Variants in MMS22L observed in about 807,000 individuals in gnomAD.
MMS22L encodes MMS22 like, DNA repair protein.
A neutral mutation model predicts 159.1 loss-of-function variants in MMS22L; 74 were observed. The observed-to-expected ratio is 0.47, with a 90% CI of 0.39 to 0.56. The LOEUF (loss-of-function observed/expected upper bound fraction) is 0.56, where lower values mean the gene tolerates loss of function less well. MMS22L is among the 20% of genes least tolerant of loss of function. The pLI, the probability that MMS22L is intolerant of heterozygous loss-of-function variation, is 0.00. For missense variants in MMS22L, 1,351 were observed against 1,422.1 expected, an observed-to-expected ratio of 0.95 and a Z score of 0.80; for synonymous variants, 517 against 506.9, an observed-to-expected ratio of 1.02 and a Z score of -0.27.
intron 14 of MMS22L, among the ~76,000 whole-genome samples, chr6:97,207,095 G>GTT (rs1562458899): frequency 6.6e-6 from 1 of 152,050 alleles, no homozygotes; most frequent in African/African-American, 2.4e-5. Flanking sequence ...TAAAATGTTC[G>GTT]TGAGAATTCT....
intron 14 of MMS22L, among the ~76,000 whole-genome samples, chr6:97,195,801 G>A (rs1226818617): frequency 1.3e-5 from 2 of 152,130 alleles, no homozygotes; most frequent in African/African-American, 2.4e-5. Context: ...ACTGACTAAA[G>A]ATAAAAGAAA....
chr6:97,240,516 A>G (rs552995383), intron 11 of MMS22L, among the ~76,000 whole-genome samples: 4 of 152,212 alleles, frequency 2.6e-5, no homozygotes, highest in East Asian at 1.9e-4. Flanking sequence ...CACAACCAAT[A>G]GTCTTTGGGG....
At chr6:97,158,583 G>A (rs1191207798) in intron 22 of MMS22L, among the ~76,000 whole-genome samples, 3 of 151,992 alleles carry the variant, frequency 2.0e-5, no homozygotes, top group Admixed American at 1.3e-4. Flanking sequence ...GTAGTCACTC[G>A]GGAGCAGCTT....
intron 14 of MMS22L, among the ~76,000 whole-genome samples, chr6:97,187,831 G>A (rs868064892): frequency 1.3e-5 from 2 of 152,048 alleles, no homozygotes; most frequent in Non-Finnish European, 2.9e-5. Context: ...AGAATATTTC[G>A]CATAACTACC....
chr6:97,225,373 C>CT (rs1052626519), intron 14 of MMS22L, among the ~76,000 whole-genome samples: 49 of 146,946 alleles, frequency 3.3e-4, no homozygotes, highest in Admixed American at 4.1e-4. Context: ...CATTTCTTAC[C>CT]TTTTTTTTTT....
chr6:97,238,097 G>A (rs559494043), intron 11 of MMS22L, among the ~76,000 whole-genome samples: 59 of 152,296 alleles, frequency 3.9e-4, no homozygotes, highest in African/African-American at 1.3e-3. Flanking sequence ...CATTTCCTAA[G>A]CTAGCTGTGT....
In MMS22L at chr6:97,180,327, T is replaced by C. The variant is rs190946392; in HGVS notation, c.2385-768A>G. ...CGTGTTAGCCAGGATGGTCTCGATC[T>C]CCTGACCTTATGATCCGCCTGCCTT... On this transcript the variant is annotated intron_variant, in intron 16 of 24. Coordinates refer to ENST00000683635, the MANE Select transcript of MMS22L (RefSeq NM_001350599.2). Among the ~76,000 whole-genome samples the C allele has an allele frequency of 2.2e-4, 33 of 152,296 alleles. 1 individual carries two copies. The highest frequency in any genetic ancestry group is 7.7e-4 in the African/African-American group (32 of 41,568).
intron 12 of MMS22L, among the ~76,000 whole-genome samples, chr6:97,232,413 GT>G (rs778401825): frequency 4.6e-5 from 7 of 152,018 alleles, no homozygotes; most frequent in Non-Finnish European, 8.8e-5. Context: ...CTAAAATATA[GT>G]TTGTATTTTC....
intron 14 of MMS22L, among the ~76,000 whole-genome samples, chr6:97,190,582 C>G (rs1222594027): frequency 2.6e-5 from 4 of 152,138 alleles, no homozygotes; most frequent in African/African-American, 4.8e-5. Context: ...CAGCAACATC[C>G]AGCATTTACT....
rs1802851731 is a variant in MMS22L at position 97,165,311 on chromosome 6, T to G, written c.3156A>C (p.Ala1052=). The part of the protein sequence containing the change: ...SDLGQHPVLL[A]LRNTATIPPI... The stretch of plus-strand genomic sequence containing the variant: ...GTGGAATAGTGGCTGTGTTTCTCAA[T>G]GCCAGCAAAACAGGATGTTGTCCAA... The change falls in exon 21 of 25, where the codon GCA becomes GCC. Residue 1052 remains alanine, a synonymous_variant. Coordinates refer to ENST00000683635, the MANE Select transcript of MMS22L (RefSeq NM_001350599.2). 1 of 1,613,306 alleles carries G rather than the reference T, an allele frequency of 6.2e-7. No individual in the cohort carries two copies. Among genetic ancestry groups the G allele is most frequent in the African/African-American group, 1.3e-5 (1 of 74,876 alleles).
chr6:97,148,700 T>C (rs1038338558), intron 24 of MMS22L, among the ~76,000 whole-genome samples: 1 of 151,868 alleles, frequency 6.6e-6, no homozygotes, highest in African/African-American at 2.4e-5. Context: ...AAAGAAAAAG[T>C]TTAAAAGGTA....
chr6:97,201,458 T>A (rs1807155900), intron 14 of MMS22L, among the ~76,000 whole-genome samples: 1 of 152,200 alleles, frequency 6.6e-6, no homozygotes, highest in African/African-American at 2.4e-5. Context: ...ACTTGTATCA[T>A]CATCATCTCT....
intron 14 of MMS22L, among the ~76,000 whole-genome samples, chr6:97,206,555 A>C (rs970028902): frequency 6.6e-6 from 1 of 152,190 alleles, no homozygotes; most frequent in Non-Finnish European, 1.5e-5. Flanking sequence ...TATCCTACAG[A>C]AAACAAAGAA....
chr6:97,269,862 G>T (rs1454268588), intron 7 of MMS22L, 40 bp downstream of exon 7: 1 of 1,424,686 alleles, frequency 7.0e-7, no homozygotes, highest in South Asian at 1.3e-5. Flanking sequence ...AATAAAAGCT[G>T]ATTTTAAAAA....
chr6:97,165,572 C>A (rs912706485), intron 20 of MMS22L, 115 bp from the exon 21 acceptor site: 6 of 862,620 alleles, frequency 7.0e-6, no homozygotes, highest in Admixed American at 2.7e-5. Context: ...ATATAAAAAT[C>A]AAAAAGGATA....
At chr6:97,280,272 C>T (rs149120627) in intron 3 of MMS22L, among the ~76,000 whole-genome samples, 58 of 152,186 alleles carry the variant, frequency 3.8e-4, no homozygotes, top group Non-Finnish European at 7.4e-4. Context: ...TTTAAAATTA[C>T]CTAAAATCTG....
At chr6:97,184,962 C>T (rs1189983691) in intron 15 of MMS22L, among the ~76,000 whole-genome samples, 1 of 152,172 alleles carries the variant, frequency 6.6e-6, no homozygotes, top group South Asian at 2.1e-4. Context: ...AGTTCTCTTT[C>T]CCTTTCTCAT....
chr6:97,278,436 C>T (rs1816456336), intron 4 of MMS22L, among the ~76,000 whole-genome samples: 1 of 149,776 alleles, frequency 6.7e-6, no homozygotes, highest in Non-Finnish European at 1.5e-5. Flanking sequence ...ACCAACTATA[C>T]CAATCTAAAC....
intron 8 of MMS22L, chr6:97,267,365 T>C (rs1396613679): frequency 6.6e-6 from 1 of 152,064 alleles, no homozygotes; most frequent in African/African-American, 2.4e-5. Context: ...TTTAAATCAC[T>C]GTCTCCATTA....
Sources: gnomAD v4.1 joint callset for allele counts (sites outside exome capture counted in the v4.1 genomes callset) on GRCh38, gnomAD v4.1.1 for gene constraint, MANE v1.5 for transcripts, NCBI Gene and HGNC (gene_info 2026-07-23, HGNC 2026-07-21) for gene names.